The following CYFIP1 variants were observed in gnomAD, a reference collection of about 807,000 sequenced individuals.
CYFIP1 encodes cytoplasmic FMR1 interacting protein 1, also known as cytoplasmic FMR1-interacting protein 1.
Under a neutral mutation model 163.5 loss-of-function variants are expected in CYFIP1, and 58 were observed. That is an observed-to-expected ratio of 0.35 (90% confidence interval 0.29 to 0.44). The LOEUF is 0.44. Among genes scored for constraint, CYFIP1 ranks in the 20% least tolerant of loss-of-function variants. The pLI is 1.00. For missense variants in CYFIP1, 1,338 were observed against 1,653.8 expected, an observed-to-expected ratio of 0.81 and a Z score of 3.31; for synonymous variants, 663 against 660.7, an observed-to-expected ratio of 1.00 and a Z score of -0.05.
At position 22,939,613 on chromosome 15, in the gene CYFIP1, A is replaced by C. The variant is rs531795677; in HGVS notation, c.570-106T>G. 72 of 879,500 alleles carry C rather than the reference A, an allele frequency of 8.2e-5. No individual in the cohort carries two copies. The African/African-American group carries it at 1.0e-3, about 13-fold the overall frequency. The allele number at this position is 879,500 out of a possible 1,614,324, so 54.5% of individuals were successfully genotyped here. On this transcript the variant is annotated intron_variant, in intron 6 of 30. Transcript: ENST00000617928. ...TTCGAGTGGGATCCCTTTCCCCTAC[A>C]GTCATCTGCAGAAATGTGGGTCAAT...
At chr15:22,933,391 T>C (rs1364258853) in intron 10 of CYFIP1, among the ~76,000 whole-genome samples, 1 of 151,646 alleles carries the variant, frequency 6.6e-6, no homozygotes, top group Non-Finnish European at 1.5e-5. Context: ...CTCTGCTCAC[T>C]GCAAGCTCCG....
rs769629898 is a variant in CYFIP1, at chr15:22,932,346, CAGAG to C, written c.993-10_993-7del. ...CGGAGGATGTGCACGTCCATCTGTGCAGAGAGAAAGCACCCGCGTTACCTGCGGA... is the reference window on the plus strand; with the variant it reads ...CGGAGGATGTGCACGTCCATCTGTGCAGAAAGCACCCGCGTTACCTGCGGA... On this transcript the variant is annotated splice_region_variant and splice_polypyrimidine_tract_variant and intron_variant, in intron 10 of 30. Transcript: ENST00000617928. 6.3e-7 allele frequency: 1 copy of C among 1,587,818 alleles called. No homozygotes were observed. Among genetic ancestry groups the C allele is most frequent in the South Asian group, 1.1e-5 (1 of 87,286 alleles).
At chr15:22,927,873 T>C (rs2142185952) in intron 12 of CYFIP1, 33 bp downstream of exon 12, 1 of 1,565,008 alleles carries the variant, frequency 6.4e-7, no homozygotes, top group South Asian at 1.2e-5. Context: ...GAGGCAGCTT[T>C]GGAGCGGGGC....
chr15:22,969,741 A>T (rs1255383138), intron 1 of CYFIP1, among the ~76,000 whole-genome samples: 2 of 152,224 alleles, frequency 1.3e-5, no homozygotes, highest in African/African-American at 4.8e-5. Flanking sequence ...ACATGAACCA[A>T]CTATATGCTA....
chr15:22,868,331 CAGAG>C lies in CYFIP1; in HGVS notation c.*1693_*1696del, dbSNP rs1422384277. Reference sequence around the variant, plus strand: ...GAACCAGTTTTCTCCCCCTTGAGGACAGAGACTCATTTGAACATGCATAGGTTAA... The same window carrying C: ...GAACCAGTTTTCTCCCCCTTGAGGACACTCATTTGAACATGCATAGGTTAA... On this transcript the variant is annotated 3_prime_UTR_variant, in exon 31 of 31. Transcript: ENST00000617928. The C allele has an allele frequency of 6.6e-6, 1 of 152,134 alleles. No homozygotes were observed. The highest frequency in any genetic ancestry group is 2.4e-5 in the African/African-American group (1 of 41,408). The allele number at this position is 152,134 out of a possible 1,614,324, so 9.4% of individuals were successfully genotyped here. A position where few individuals can be genotyped will look rare whatever the true frequency, so the allele number is the denominator to read the frequency against.
intron 12 of CYFIP1, among the ~76,000 whole-genome samples, chr15:22,927,288 T>C (rs1431313022): frequency 1.3e-5 from 2 of 151,856 alleles, no homozygotes; most frequent in Non-Finnish European, 2.9e-5. Context: ...AAGACCAGTG[T>C]GGCCAACATG....
intron 22 of CYFIP1, among the ~76,000 whole-genome samples, chr15:22,902,683 CCT>C (rs1008178692): frequency 1.2e-4 from 19 of 152,340 alleles, no homozygotes; most frequent in African/African-American, 3.6e-4. Context: ...CTGGAGGCCC[CCT>C]GAGCTGAAAA....
chr15:22,959,425 T>TC (rs1181082896), intron 1 of CYFIP1, among the ~76,000 whole-genome samples: 2 of 151,804 alleles, frequency 1.3e-5, no homozygotes, highest in Non-Finnish European at 2.9e-5. Context: ...AGAGTGGGGG[T>TC]CCCCATTCAC....
intron 1 of CYFIP1, among the ~76,000 whole-genome samples, chr15:22,970,127 T>A (rs1207802464): frequency 3.9e-5 from 6 of 152,130 alleles, no homozygotes; most frequent in Non-Finnish European, 8.8e-5. Flanking sequence ...GGAAATTAAT[T>A]CCATGTACAA....
intron 6 of CYFIP1, among the ~76,000 whole-genome samples, chr15:22,940,078 G>C (rs72696064): frequency 0.015 from 2,340 of 152,310 alleles, 85 homozygotes; most frequent in East Asian, 0.1. Flanking sequence ...GCAAGGCCAT[G>C]CTAAGCCTGC....
rs776340255 is a variant in CYFIP1 at position 22,918,702 on chromosome 15, C to T, written c.1516G>A (p.Val506Ile). ...GTGGGGAAGGCTGACCTCTGGATGACGTTCTTCTTCTTCTTGATGGCCTGC... is the reference window on the plus strand; with the variant it reads ...GTGGGGAAGGCTGACCTCTGGATGATGTTCTTCTTCTTCTTGATGGCCTGC... ...LRQAIKKKKN[V>I]IQSVLQAIRK... The change falls in exon 14 of 31, where the codon GTC (valine) becomes ATC (isoleucine). Residue 506 changes from valine (V) to isoleucine (I), a missense_variant. Physicochemically the swap from Val to Ile is conservative, Grantham distance 29. Around this residue, in one of 4 missense-constraint regions of CYFIP1, gnomAD observed 824 missense variants for 995.7 expected, o/e 0.83. Coordinates refer to ENST00000617928, the MANE Select transcript of CYFIP1 (RefSeq NM_014608.6). 3 of 1,600,718 alleles carry T rather than the reference C, an allele frequency of 1.9e-6. No homozygotes were observed. The highest frequency in any genetic ancestry group is 1.3e-5 in the African/African-American group (1 of 74,512).
At chr15:22,899,836 T>G (rs1030757444) in intron 22 of CYFIP1, among the ~76,000 whole-genome samples, 1 of 151,970 alleles carries the variant, frequency 6.6e-6, no homozygotes, top group Non-Finnish European at 1.5e-5. Flanking sequence ...TCACCTGAGG[T>G]TGGGAATTCA....
chr15:22,928,654 T>A (rs2061437181), intron 11 of CYFIP1, among the ~76,000 whole-genome samples: 1 of 152,124 alleles, frequency 6.6e-6, no homozygotes, highest in African/African-American at 2.4e-5. Context: ...TTCTATCAAA[T>A]AACCACCCCC....
intron 1 of CYFIP1, among the ~76,000 whole-genome samples, chr15:22,968,299 G>A (rs1204665195): frequency 6.6e-6 from 1 of 152,130 alleles, no homozygotes; most frequent in African/African-American, 2.4e-5. Context: ...CTTTTTAGAT[G>A]AGATTAACAT....
chr15:22,941,820 C>A (rs1039068268), intron 6 of CYFIP1, among the ~76,000 whole-genome samples: 2 of 151,824 alleles, frequency 1.3e-5, no homozygotes, highest in African/African-American at 4.8e-5. Context: ...AAAAAAAAAA[C>A]AACAACACAC....
At chr15:22,934,599 G>C (rs2061654515) in intron 9 of CYFIP1, among the ~76,000 whole-genome samples, 1 of 128,866 alleles carries the variant, frequency 7.8e-6, no homozygotes, top group African/African-American at 2.9e-5. Context: ...CAGGGTTCAA[G>C]AGATTCTCCT....
intron 22 of CYFIP1, among the ~76,000 whole-genome samples, chr15:22,893,285 C>T (rs1029938557): frequency 1.3e-5 from 2 of 152,192 alleles, no homozygotes; most frequent in Non-Finnish European, 2.9e-5. Flanking sequence ...CTTCCAGACA[C>T]GGCGAGGACG....
At chr15:22,893,250 C>T (rs1172959540) in intron 22 of CYFIP1, among the ~76,000 whole-genome samples, 1 of 152,238 alleles carries the variant, frequency 6.6e-6, no homozygotes, top group African/African-American at 2.4e-5. Context: ...ACGCAATCCT[C>T]AGGTAGCTCG....
At chr15:22,898,741 T>C (rs2060307325) in intron 22 of CYFIP1, among the ~76,000 whole-genome samples, 1 of 152,018 alleles carries the variant, frequency 6.6e-6, no homozygotes, top group African/African-American at 2.4e-5. Context: ...CGGTGGCTCA[T>C]GCCTGTAATC....
Sources: gnomAD v4.1 joint callset for allele counts (sites outside exome capture counted in the v4.1 genomes callset) on GRCh38, gnomAD v4.1.1 for gene constraint, gnomAD v4.1.1 regional missense constraint, MANE v1.5 for transcripts, NCBI Gene and HGNC (gene_info 2026-07-23, HGNC 2026-07-21) for gene names.